SUPT3H: variants seen among roughly 807,000 people sequenced by gnomAD.
SUPT3H encodes SPT3 homolog, SAGA and STAGA complex component, also known as transcription initiation protein SPT3 homolog.
A neutral mutation model predicts 44.3 loss-of-function variants in SUPT3H; 44 were observed. That is an observed-to-expected ratio of 0.99 (90% CI 0.78 to 1.28). The LOEUF (loss-of-function observed/expected upper bound fraction) is 1.28, where lower values mean the gene tolerates loss of function less well. Ranked by LOEUF, SUPT3H falls within the 50% of genes most tolerant of loss-of-function variation. The pLI is 0.00. For missense variants in SUPT3H, 380 were observed against 387.1 expected (o/e 0.98, Z 0.15); for synonymous variants, 124 against 125.6 (o/e 0.99, Z 0.09).
intron 3 of SUPT3H, among the ~76,000 whole-genome samples, chr6:45,048,221 C>CTTTTTTTT (rs67557043): frequency 1.1e-5 from 1 of 88,210 alleles, no homozygotes; most frequent in Admixed American, 1.0e-4. Context: ...TCTCTCTACT[C>CTTTTTTTT]TTTTTTTTTT....
intron 2 of SUPT3H, among the ~76,000 whole-genome samples, chr6:45,298,571 G>A (rs762063912): frequency 1.8e-4 from 27 of 150,020 alleles, no homozygotes; most frequent in Non-Finnish European, 3.3e-4. Context: ...TCCTGACCTC[G>A]TGATCCATCC....
At chr6:44,951,174 A>G (rs2153472888) in intron 9 of SUPT3H, among the ~76,000 whole-genome samples, 1 of 149,772 alleles carries the variant, frequency 6.7e-6, no homozygotes, top group East Asian at 2.0e-4. Flanking sequence ...ACCTTATCAT[A>G]GTCCTATTTT....
chr6:44,824,625 C>T (rs1051345620), downstream of SUPT3H, among the ~76,000 whole-genome samples: 2 of 152,152 alleles, frequency 1.3e-5, no homozygotes, highest in Non-Finnish European at 2.9e-5. Context: ...AAGCTGCTGA[C>T]TGGGTGTGGT....
At chr6:45,192,787 C>G (rs1815358056) in intron 2 of SUPT3H, among the ~76,000 whole-genome samples, 1 of 151,976 alleles carries the variant, frequency 6.6e-6, no homozygotes, top group Non-Finnish European at 1.5e-5. Context: ...AAGCAGATCC[C>G]TACTGCAGAG....
At chr6:44,811,728 A>T (rs1477552853) in intron 11 of SUPT3H, among the ~76,000 whole-genome samples, 1 of 152,192 alleles carries the variant, frequency 6.6e-6, no homozygotes, top group Non-Finnish European at 1.5e-5. Context: ...TATGCCAGAC[A>T]CTCAGTGGTG....
intron 2 of SUPT3H, among the ~76,000 whole-genome samples, chr6:45,184,640 A>G (rs1344557577): frequency 6.6e-6 from 1 of 152,050 alleles, no homozygotes; most frequent in Non-Finnish European, 1.5e-5. Context: ...AGAAAAAAAG[A>G]AGGCTGGCTG....
intron 2 of SUPT3H, among the ~76,000 whole-genome samples, chr6:45,177,249 G>A (rs1246263783): frequency 6.6e-6 from 1 of 152,190 alleles, no homozygotes; most frequent in Non-Finnish European, 1.5e-5. Context: ...TGAAAACCAA[G>A]GCTCAAGAAC....
intron 3 of SUPT3H, among the ~76,000 whole-genome samples, chr6:45,094,413 G>T (rs1186679838): frequency 6.6e-6 from 1 of 152,100 alleles, no homozygotes; most frequent in African/African-American, 2.4e-5. Flanking sequence ...TAATTTACTG[G>T]AAGTGAAAAA....
At chr6:45,215,495 A>G (rs1764888139) in intron 2 of SUPT3H, among the ~76,000 whole-genome samples, 1 of 152,202 alleles carries the variant, frequency 6.6e-6, no homozygotes, top group African/African-American at 2.4e-5. Flanking sequence ...AGTGATAAAT[A>G]TCGGGGAAAA....
intron 2 of SUPT3H, among the ~76,000 whole-genome samples, chr6:45,273,685 C>T (rs1040691437): frequency 2.0e-5 from 3 of 152,140 alleles, no homozygotes; most frequent in African/African-American, 7.2e-5. Context: ...AATTGTATGA[C>T]TCCTCCACAT....
intron 3 of SUPT3H, among the ~76,000 whole-genome samples, chr6:45,055,439 G>A (rs766021126): frequency 7.9e-5 from 12 of 152,120 alleles, no homozygotes; most frequent in Non-Finnish European, 1.2e-4. Flanking sequence ...ATACATGGCT[G>A]TATTCACCAA....
At chr6:44,859,964 G>T (rs1582036336) in intron 10 of SUPT3H, among the ~76,000 whole-genome samples, 1 of 152,098 alleles carries the variant, frequency 6.6e-6, no homozygotes, top group East Asian at 1.9e-4. Flanking sequence ...TGAGATTGGG[G>T]AATCAAACAC....
intron 1 of SUPT3H, chr6:45,372,037 T>G: frequency 1.0e-6 from 1 of 966,720 alleles, no homozygotes; most frequent in Non-Finnish European, 1.2e-6. Flanking sequence ...AATAAAAGTT[T>G]ATCATAACTA....
At chr6:44,932,528 TACA>T (rs1770743391) in intron 10 of SUPT3H, 122 bp downstream of exon 10, 1 of 616,926 alleles carries the variant, frequency 1.6e-6, no homozygotes, top group Non-Finnish European at 2.7e-6. Flanking sequence ...GCCACTTTTA[TACA>T]ACAAAATTAC....
intron 3 of SUPT3H, among the ~76,000 whole-genome samples, chr6:45,045,505 C>G (rs1180378112): frequency 6.6e-6 from 1 of 152,070 alleles, no homozygotes. Context: ...ATTTTCTATC[C>G]TGAGACTGTG....
intron 7 of SUPT3H, among the ~76,000 whole-genome samples, chr6:44,955,692 T>C (rs370176034): frequency 6.6e-6 from 1 of 151,900 alleles, no homozygotes; most frequent in African/African-American, 2.4e-5. Flanking sequence ...CGCAAAGGCA[T>C]AAGAATGATA....
chr6:45,325,209 CAAAGAATGAGCAGCAAATA>C (rs1786161062), intron 2 of SUPT3H, among the ~76,000 whole-genome samples: 1 of 151,472 alleles, frequency 6.6e-6, no homozygotes. Context: ...CTTTGTTTTT[CAAAGAATGAGCAGCAAATA>C]AAAGAATAGA....
chr6:44,869,194 GC>G lies in SUPT3H; in HGVS notation c.913-39338del, dbSNP rs1258634066. Among the ~76,000 whole-genome samples the G allele has an allele frequency of 3.3e-5, 5 of 152,140 alleles. 1 individual carries two copies. The highest frequency in any genetic ancestry group is 9.6e-5 in the African/African-American group (4 of 41,496). On this transcript the variant is annotated intron_variant, in intron 10 of 10. Coordinates refer to ENST00000371459, the MANE Select transcript of SUPT3H (RefSeq NM_003599.4). Reference sequence around the variant, plus strand: ...CAATTCTTAACACTGAGTATAGGCTGCTTTGTCTTTTTTTTTTTCTTTGAAG... The same window carrying G: ...CAATTCTTAACACTGAGTATAGGCTGTTTGTCTTTTTTTTTTTCTTTGAAG...
intron 2 of SUPT3H, among the ~76,000 whole-genome samples, chr6:45,275,200 G>A (rs1417920365): frequency 6.6e-6 from 1 of 152,142 alleles, no homozygotes; most frequent in Non-Finnish European, 1.5e-5. Flanking sequence ...AGATGAAAAA[G>A]TAGTGGGCTT....
Sources: allele counts gnomAD v4.1 joint callset (sites outside exome capture counted in the v4.1 genomes callset), GRCh38; gene constraint gnomAD v4.1.1; transcripts MANE v1.5; gene names NCBI Gene and HGNC (gene_info 2026-07-23, HGNC 2026-07-21).